Variants in TMEM39A observed in about 807,000 individuals in gnomAD.
TMEM39A encodes the protein transmembrane protein 39A.
Under a neutral mutation model 51.9 loss-of-function variants are expected in TMEM39A, and 19 were observed. The observed-to-expected ratio is 0.37, with a 90% CI of 0.26 to 0.54. The LOEUF is 0.54. Among genes scored for constraint, TMEM39A ranks in the 20% least tolerant of loss-of-function variants. TMEM39A has a pLI of 0.88. For missense variants in TMEM39A, 433 were observed against 590.5 expected (o/e 0.73, Z 2.76); for synonymous variants, 197 against 220.2 (o/e 0.89, Z 0.93).
chr3:119,447,690 T>C (rs2081146304), intron 4 of TMEM39A, among the ~76,000 whole-genome samples: 1 of 152,138 alleles, frequency 6.6e-6, no homozygotes, highest in Admixed American at 6.5e-5. Context: ...AGTGGCACAA[T>C]CTTGGCTCAC....
chr3:119,438,007 T>C lies in TMEM39A; in HGVS notation c.672A>G (p.Val224=), dbSNP rs1290755128. The change falls in exon 6 of 9, where the codon GTA becomes GTG. Residue 224 remains valine (V), a synonymous_variant. Transcript: ENST00000319172. The part of the protein sequence containing the change: ...DYNYVVQHEA[V]EESASTVGGL... ...CTCCCACAGTCGAGGCACTTTCCTC[T>C]ACTGCCTCGTGCTGAACCACATAGT... The C allele has an allele frequency of 1.9e-6, 3 of 1,614,180 alleles. No homozygotes were observed. The highest frequency in any genetic ancestry group is 2.5e-6 in the Non-Finnish European group (3 of 1,180,002).
chr3:119,455,269 A>C (rs1359066418), intron 3 of TMEM39A, among the ~76,000 whole-genome samples: 3 of 152,224 alleles, frequency 2.0e-5, no homozygotes, highest in African/African-American at 7.2e-5. Flanking sequence ...CCGGCAGTCC[A>C]ATCTATCTTT....
At chr3:119,441,961 T>C (rs945439616) in intron 5 of TMEM39A, among the ~76,000 whole-genome samples, 2 of 152,194 alleles carry the variant, frequency 1.3e-5, no homozygotes, top group African/African-American at 4.8e-5. Context: ...AACAACATAT[T>C]TGGATGACAG....
At chr3:119,461,185 C>T (rs1269377743) in intron 2 of TMEM39A, among the ~76,000 whole-genome samples, 2 of 152,128 alleles carry the variant, frequency 1.3e-5, no homozygotes, top group East Asian at 1.9e-4. Context: ...GTATGAGAAT[C>T]GGAGACTGGA....
At chr3:119,457,235 G>T (rs1156547575) in intron 3 of TMEM39A, among the ~76,000 whole-genome samples, 1 of 152,172 alleles carries the variant, frequency 6.6e-6, no homozygotes, top group Non-Finnish European at 1.5e-5. Flanking sequence ...CTCCCAAAGT[G>T]CTGGGATTAC....
At chr3:119,447,971 C>T (rs959045729) in intron 4 of TMEM39A, among the ~76,000 whole-genome samples, 11 of 152,262 alleles carry the variant, frequency 7.2e-5, no homozygotes, top group African/African-American at 2.6e-4. Context: ...TTACTTCCCA[C>T]TAAACTATAA....
At chr3:119,433,828 G>C (rs2080930982) in intron 8 of TMEM39A, among the ~76,000 whole-genome samples, 1 of 152,068 alleles carries the variant, frequency 6.6e-6, no homozygotes, top group African/African-American at 2.4e-5. Flanking sequence ...CTCCCAATCT[G>C]CCCCACCCTG....
chr3:119,443,906 A>AAAAAT (rs71293252), intron 5 of TMEM39A, among the ~76,000 whole-genome samples: 40,099 of 149,416 alleles, frequency 0.27, 5,726 homozygotes, highest in South Asian at 0.44. Context: ...CCTTGTCTCA[A>AAAAAT]AAAATAAAAT....
chr3:119,444,271 G>A (rs960490466), intron 5 of TMEM39A, among the ~76,000 whole-genome samples: 23 of 151,970 alleles, frequency 1.5e-4, no homozygotes, highest in African/African-American at 5.1e-4. Flanking sequence ...AATCAGACAC[G>A]GTTAATCTTC....
In TMEM39A at chr3:119,437,767, C is replaced by G. The variant is rs2080991496; in HGVS notation, c.912G>C (p.Leu304=). Residue 304 remains leucine (L), a synonymous_variant, in exon 6 of 9, where the codon CTG becomes CTC. Transcript: ENST00000319172. ...FSAYYVAFLP[L]CFVKSTQYYD... The stretch of plus-strand genomic sequence containing the variant: ...GATAACCACTTACCTTCACAAAACA[C>G]AGGGGGAGAAATGCAACATAGTAGG... The G allele has an allele frequency of 6.5e-7, 1 of 1,544,924 alleles. No homozygotes were observed. Among genetic ancestry groups the G allele is most frequent in the African/African-American group, 1.4e-5 (1 of 72,946 alleles).
At chr3:119,433,496 T>C (rs2080926375) in intron 8 of TMEM39A, among the ~76,000 whole-genome samples, 1 of 152,102 alleles carries the variant, frequency 6.6e-6, no homozygotes, top group Admixed American at 6.6e-5. Flanking sequence ...CAGTAATAAA[T>C]CAACTTGCCT....
In TMEM39A at chr3:119,462,092, C is replaced by A; in HGVS notation, c.-18G>T. On this transcript the variant is annotated 5_prime_UTR_variant, in exon 2 of 9. Coordinates refer to ENST00000319172, the MANE Select transcript of TMEM39A (RefSeq NM_018266.3). ...CCGGGCATGTCCAGGAACCAGTCTG[C>A]TTCCAGTGCCACCTGTAGTTGCAAC... 6.2e-7 allele frequency: 1 copy of A among 1,605,400 alleles called. No individual in the cohort carries two copies. Among genetic ancestry groups the A allele is most frequent in the South Asian group, 1.1e-5 (1 of 90,576 alleles).
chr3:119,434,754 G>A lies in TMEM39A; in HGVS notation c.1233+8C>T. 2 of 1,613,308 alleles carry A rather than the reference G, an allele frequency of 1.2e-6. No individual in the cohort carries two copies. Among genetic ancestry groups the A allele is most frequent in the Non-Finnish European group, 1.7e-6 (2 of 1,179,460 alleles). ...GCTTATGTTTGAAAATAAATAAGCG[G>A]TACTTGCATAAAAGCGGGCATGAGA... is the stretch of plus-strand genomic sequence containing the variant. On this transcript the variant is annotated splice_region_variant and intron_variant, in intron 8 of 8. Transcript: ENST00000319172.
chr3:119,435,052 T>C, intron 7 of TMEM39A, 170 bp from the exon 8 acceptor site: 1 of 966,530 alleles, frequency 1.0e-6, no homozygotes, highest in Middle Eastern at 5.3e-4. Flanking sequence ...TTAGAAAGGA[T>C]TTGTTACTTT....
intron 1 of TMEM39A, among the ~76,000 whole-genome samples, chr3:119,462,633 A>AGG (rs1200172060): frequency 0.07 from 156 of 2,238 alleles, 13 homozygotes; most frequent in Non-Finnish European, 0.083. Flanking sequence ...TGTTTCTTCA[A>AGG]GGGGGGGGGG....
At chr3:119,449,628 C>T (rs1239179788) in intron 4 of TMEM39A, among the ~76,000 whole-genome samples, 1 of 152,002 alleles carries the variant, frequency 6.6e-6, no homozygotes, top group African/African-American at 2.4e-5. Context: ...GTCTGCCCCC[C>T]ACCCCCCAAA....
intron 5 of TMEM39A, among the ~76,000 whole-genome samples, chr3:119,443,104 T>C (rs115079468): frequency 0.014 from 2,084 of 148,238 alleles, 55 homozygotes; most frequent in African/African-American, 0.05. Flanking sequence ...CCTGAAGATG[T>C]GGCTGCACTC....
At chr3:119,457,163 G>A (rs996564054) in intron 3 of TMEM39A, among the ~76,000 whole-genome samples, 12 of 151,378 alleles carry the variant, frequency 7.9e-5, no homozygotes, top group African/African-American at 2.7e-4. Flanking sequence ...ATGGAGACAG[G>A]GTTTCACCGT....
At chr3:119,441,997 T>C (rs1055156076) in intron 5 of TMEM39A, among the ~76,000 whole-genome samples, 1 of 152,252 alleles carries the variant, frequency 6.6e-6, no homozygotes, top group Non-Finnish European at 1.5e-5. Context: ...CATGGTTTAC[T>C]GAATAAGCTC....
Sources: gnomAD v4.1 joint callset for allele counts (sites outside exome capture counted in the v4.1 genomes callset) on GRCh38, gnomAD v4.1.1 for gene constraint, MANE v1.5 for transcripts, NCBI Gene and HGNC (gene_info 2026-07-23, HGNC 2026-07-21) for gene names.